The following SHISA9 variants were observed in gnomAD, a reference collection of about 807,000 sequenced individuals.
SHISA9 encodes the protein protein shisa-9.
In SHISA9, 13 loss-of-function variants were observed where a neutral mutation model predicts 38.0. That is an observed-to-expected ratio of 0.34 (90% confidence interval 0.22 to 0.54). The LOEUF (loss-of-function observed/expected upper bound fraction) is 0.54. Among genes scored for constraint, SHISA9 ranks in the 20% least tolerant of loss-of-function variants. SHISA9 has a pLI of 0.91. For synonymous variants in SHISA9, 275 were observed against 242.0 expected, an observed-to-expected ratio of 1.14 and a Z score of -1.27; for missense variants, 538 against 575.8, an observed-to-expected ratio of 0.93 and a Z score of 0.67.
chr16:13,144,154 G>C (rs951784141), intron 2 of SHISA9, among the ~76,000 whole-genome samples: 17 of 147,998 alleles, frequency 1.1e-4, no homozygotes, highest in Admixed American at 3.4e-4. Context: ...GGAGGGGCTA[G>C]TTCTTTTTTT....
chr16:13,510,480 T>C, the SHISA9 span, among the ~76,000 whole-genome samples: 1 of 152,214 alleles, frequency 6.6e-6, no homozygotes, highest in African/African-American at 2.4e-5. Context: ...GAAACATCCA[T>C]AATAATTCAT....
chr16:13,071,605 T>TCTTCCCTTC (rs1567202394), intron 2 of SHISA9, among the ~76,000 whole-genome samples: 1 of 142,346 alleles, frequency 7.0e-6, no homozygotes, highest in Non-Finnish European at 1.5e-5. Flanking sequence ...TCCTTCCCTT[T>TCTTCCCTTC]CTTCCCTTCC....
At chr16:13,096,218 T>G (rs539400333) in intron 2 of SHISA9, among the ~76,000 whole-genome samples, 3 of 152,226 alleles carry the variant, frequency 2.0e-5, no homozygotes, top group African/African-American at 7.2e-5. Context: ...GTGTAGGCCT[T>G]GTTTATAGTA....
chr16:13,433,299 T>C, the SHISA9 span, among the ~76,000 whole-genome samples: 1 of 152,210 alleles, frequency 6.6e-6, no homozygotes, highest in Non-Finnish European at 1.5e-5. Context: ...ATTTCCTCAA[T>C]CTGTCTGCAT....
intron 2 of SHISA9, among the ~76,000 whole-genome samples, chr16:13,183,469 G>A (rs1430160390): frequency 6.6e-6 from 1 of 152,206 alleles, no homozygotes; most frequent in Non-Finnish European, 1.5e-5. Context: ...GCTGATTTTC[G>A]TAAGGTTCCT....
the SHISA9 span, among the ~76,000 whole-genome samples, chr16:13,365,942 G>C: frequency 1.3e-5 from 2 of 152,138 alleles, no homozygotes; most frequent in African/African-American, 4.8e-5. Context: ...TGATTCTATA[G>C]CTCAGTAAGT....
the SHISA9 span, among the ~76,000 whole-genome samples, chr16:13,402,198 C>G: frequency 6.6e-6 from 1 of 152,124 alleles, no homozygotes; most frequent in Non-Finnish European, 1.5e-5. Context: ...TTTGAGAAGT[C>G]CCACAACATG....
intron 2 of SHISA9, among the ~76,000 whole-genome samples, chr16:13,056,915 C>CG (rs2073317552): frequency 6.6e-6 from 1 of 152,278 alleles, no homozygotes; most frequent in East Asian, 1.9e-4. Flanking sequence ...GTAGACACAG[C>CG]GGGGCTTAGG....
In SHISA9 at chr16:13,017,087, T is replaced by C. The variant is rs2072766775; in HGVS notation, c.691+100272T>C. Among the ~76,000 whole-genome samples, 3 of 151,870 alleles carry C rather than the reference T, an allele frequency of 2.0e-5. No homozygotes were observed. The South Asian group carries it at 6.2e-4, about 32-fold the overall frequency. On this transcript the variant is annotated intron_variant, in intron 2 of 4. Transcript: ENST00000558583. Reference sequence around the variant, plus strand: ...CAGGCTGGAGTGCAGTGGCCTGATCTTGGCTCACTGCAACCTCCGTCTCCT... The same window carrying C: ...CAGGCTGGAGTGCAGTGGCCTGATCCTGGCTCACTGCAACCTCCGTCTCCT...
intron 4 of SHISA9, among the ~76,000 whole-genome samples, chr16:13,227,704 G>A (rs537685637): frequency 6.6e-6 from 1 of 152,224 alleles, no homozygotes; most frequent in East Asian, 1.9e-4. Flanking sequence ...TCAAATCCCA[G>A]CTGTAATGTT....
At chr16:12,925,400 C>T (rs899417749) in intron 2 of SHISA9, among the ~76,000 whole-genome samples, 25 of 149,518 alleles carry the variant, frequency 1.7e-4, no homozygotes, top group Non-Finnish European at 7.4e-5. Context: ...TGTATGGTCC[C>T]CAGCATGTCT....
At chr16:13,289,857 A>G in the SHISA9 span, among the ~76,000 whole-genome samples, 7 of 152,180 alleles carry the variant, frequency 4.6e-5, no homozygotes, top group South Asian at 2.1e-4. Flanking sequence ...TCTTTTGCCT[A>G]AGCTAGTTTG....
chr16:13,199,347 G>T (rs1317922154), intron 2 of SHISA9, among the ~76,000 whole-genome samples: 2 of 152,168 alleles, frequency 1.3e-5, no homozygotes, highest in African/African-American at 4.8e-5. Context: ...CCAAATTGTT[G>T]TTTGAAATTT....
the SHISA9 span, among the ~76,000 whole-genome samples, chr16:13,488,357 A>G: frequency 6.6e-6 from 1 of 152,182 alleles, no homozygotes; most frequent in Non-Finnish European, 1.5e-5. Context: ...CCACTGTCAT[A>G]CTTCAACATA....
At chr16:13,324,219 A>G in the SHISA9 span, among the ~76,000 whole-genome samples, 3 of 152,194 alleles carry the variant, frequency 2.0e-5, no homozygotes, top group Non-Finnish European at 4.4e-5. Context: ...TGAATTACCC[A>G]GCCTCAGGTA....
At chr16:13,074,962 C>G (rs1754766419) in intron 2 of SHISA9, among the ~76,000 whole-genome samples, 1 of 152,114 alleles carries the variant, frequency 6.6e-6, no homozygotes, top group African/African-American at 2.4e-5. Context: ...CCGTGCCTGG[C>G]CATTACTATT....
At chr16:13,356,604 C>T in the SHISA9 span, among the ~76,000 whole-genome samples, 46 of 151,902 alleles carry the variant, frequency 3.0e-4, no homozygotes, top group African/African-American at 8.7e-4. Context: ...GGACCTAGCT[C>T]GGCCTGGTGA....
chr16:13,392,906 A>G, the SHISA9 span, among the ~76,000 whole-genome samples: 2 of 152,210 alleles, frequency 1.3e-5, no homozygotes, highest in Non-Finnish European at 2.9e-5. Flanking sequence ...GAAGAAACCA[A>G]TTTTGTTGAC....
At chr16:13,132,290 T>A (rs2050312854) in intron 2 of SHISA9, among the ~76,000 whole-genome samples, 1 of 152,132 alleles carries the variant, frequency 6.6e-6, no homozygotes, top group South Asian at 2.1e-4. Context: ...ATGAAAACAG[T>A]TAAATGTAAA....
Sources: gnomAD v4.1 joint callset for allele counts (sites outside exome capture counted in the v4.1 genomes callset) on GRCh38, gnomAD v4.1.1 for gene constraint, MANE v1.5 for transcripts, NCBI Gene and HGNC (gene_info 2026-07-23, HGNC 2026-07-21) for gene names.